BIRC6: variants seen among roughly 807,000 people sequenced by gnomAD.
The protein encoded by BIRC6 is baculoviral IAP repeat containing 6.
In BIRC6, 98 loss-of-function variants were observed where a neutral mutation model predicts 503.3. That is an observed-to-expected ratio of 0.19 (90% CI 0.17 to 0.23). The LOEUF is 0.23. BIRC6 is among the 10% of genes least tolerant of loss of function. BIRC6 has a pLI of 1.00. For missense variants in BIRC6, 5,360 were observed against 5,806.0 expected, an observed-to-expected ratio of 0.92 and a Z score of 2.50; for synonymous variants, 2,240 against 2,078.7, an observed-to-expected ratio of 1.08 and a Z score of -2.11.
At chr2:32,425,762 A>G (rs1487275717) in intron 10 of BIRC6, among the ~76,000 whole-genome samples, 1 of 152,226 alleles carries the variant, frequency 6.6e-6, no homozygotes, top group Admixed American at 6.5e-5. Flanking sequence ...TAGCAGCTGC[A>G]GTCTCAGAAG....
intron 60 of BIRC6, 21 bp downstream of exon 60, chr2:32,529,845 T>G (rs1196396077): frequency 1.4e-6 from 2 of 1,477,636 alleles, no homozygotes; most frequent in Admixed American, 4.6e-5. Context: ...AATACTACTT[T>G]AAAAATTACA....
intron 43 of BIRC6, 62 bp from the exon 44 acceptor site, chr2:32,491,363 A>C: frequency 6.9e-7 from 1 of 1,443,854 alleles, no homozygotes; most frequent in Non-Finnish European, 9.3e-7. Context: ...ATGCTTTCAG[A>C]TACTGCATTT....
At chr2:32,529,926 C>A in intron 60 of BIRC6, 102 bp downstream of exon 60, 2 of 712,546 alleles carry the variant, frequency 2.8e-6, no homozygotes, top group Non-Finnish European at 4.0e-6. Context: ...ATTATATCAA[C>A]ATAAGATATA....
At chr2:32,504,807 C>T (rs558588825) in intron 49 of BIRC6, among the ~76,000 whole-genome samples, 198 bp from the exon 50 acceptor site, 16 of 152,222 alleles carry the variant, frequency 1.1e-4, no homozygotes, top group Admixed American at 8.5e-4. Flanking sequence ...ATGAACTTGT[C>T]ACCTTGCCAG....
At chr2:32,543,911 G>T (rs2057861454) in intron 62 of BIRC6, among the ~76,000 whole-genome samples, 1 of 152,164 alleles carries the variant, frequency 6.6e-6, no homozygotes, top group South Asian at 2.1e-4. Flanking sequence ...GTACTCTTGA[G>T]TGCAGTATTA....
intron 3 of BIRC6, among the ~76,000 whole-genome samples, chr2:32,381,326 G>T (rs2037611366): frequency 6.6e-6 from 1 of 152,074 alleles, no homozygotes; most frequent in African/African-American, 2.4e-5. Context: ...TGCAACCTCT[G>T]CCTCCCGGGT....
At chr2:32,378,237 C>T (rs1466024390) in intron 2 of BIRC6, among the ~76,000 whole-genome samples, 5 of 152,076 alleles carry the variant, frequency 3.3e-5, no homozygotes, top group Non-Finnish European at 7.4e-5. Context: ...TTCCCTGTCC[C>T]TTAACCCCCA....
At chr2:32,413,366 A>G (rs1020983241) in intron 9 of BIRC6, among the ~76,000 whole-genome samples, 1 of 151,404 alleles carries the variant, frequency 6.6e-6, no homozygotes, top group Non-Finnish European at 1.5e-5. Flanking sequence ...TTTTAGTAGA[A>G]ATGGGGTTTC....
At chr2:32,455,379 CA>C (rs758202958) in intron 23 of BIRC6, among the ~76,000 whole-genome samples, 38,939 of 88,948 alleles carry the variant, frequency 0.44, 5,123 homozygotes, top group African/African-American at 0.48. Flanking sequence ...ACTCTGTCTC[CA>C]AAAAAAAAAA....
intron 73 of BIRC6, among the ~76,000 whole-genome samples, chr2:32,617,378 G>T (rs565095541): frequency 6.6e-6 from 1 of 152,290 alleles, no homozygotes; most frequent in East Asian, 1.9e-4. Context: ...TCCAGCCTGG[G>T]CAACAGAGCG....
rs978377665 is a variant in BIRC6 at position 32,500,048 on chromosome 2, T to G, written c.8970T>G (p.Ile2990Met). ...ACTTAGTCTTAGCCAACCAACAAAT[T>G]ATGAGCCAGATTTTGTCTGCTCTGG... ...VADLVLANQQ[I>M]MSQILSALGL... Residue 2990 changes from isoleucine (I) to methionine (M), a missense_variant, in exon 46 of 74, where the codon ATT becomes ATG. Physicochemically the swap from Ile to Met is conservative, Grantham distance 10 (BLOSUM62 1). Transcript: ENST00000421745. The G allele has an allele frequency of 1.9e-6, 3 of 1,613,920 alleles. No individual in the cohort carries two copies. Among genetic ancestry groups the G allele is most frequent in the African/African-American group, 1.3e-5 (1 of 75,024 alleles).
intron 16 of BIRC6, 36 bp from the exon 17 acceptor site, chr2:32,441,293 T>C: frequency 7.4e-7 from 1 of 1,359,626 alleles, no homozygotes; most frequent in Non-Finnish European, 1.0e-6. Flanking sequence ...TAGTTTAGTT[T>C]ATTTTTTAAA....
At chr2:32,587,902 C>A (rs2061158083) in intron 66 of BIRC6, among the ~76,000 whole-genome samples, 1 of 152,178 alleles carries the variant, frequency 6.6e-6, no homozygotes, top group South Asian at 2.1e-4. Context: ...CACTAAATAT[C>A]CATAGTATTC....
chr2:32,520,948 T>C (rs2055594887), intron 57 of BIRC6, among the ~76,000 whole-genome samples: 1 of 152,246 alleles, frequency 6.6e-6, no homozygotes, highest in Non-Finnish European at 1.5e-5. Flanking sequence ...TAACTGAAAA[T>C]TGAACATTTT....
chr2:32,615,046 T>C (rs2063144803), intron 73 of BIRC6, among the ~76,000 whole-genome samples: 1 of 152,140 alleles, frequency 6.6e-6, no homozygotes, highest in Non-Finnish European at 1.5e-5. Context: ...TCAAGGACCT[T>C]ATACTCATGG....
At chr2:32,550,113 A>T (rs969065784) in intron 65 of BIRC6, among the ~76,000 whole-genome samples, 4 of 152,192 alleles carry the variant, frequency 2.6e-5, no homozygotes, top group Non-Finnish European at 2.9e-5. Flanking sequence ...AGCAGTTAAC[A>T]TCTATTTCTT....
At chr2:32,448,996 A>T in intron 22 of BIRC6, 68 bp downstream of exon 22, 1 of 1,447,958 alleles carries the variant, frequency 6.9e-7, no homozygotes, top group South Asian at 1.3e-5. Context: ...CATTTGACTT[A>T]ATAGATTATA....
chr2:32,537,964 CA>C lies in BIRC6; in HGVS notation c.12292-5265del, dbSNP rs769563624. Among the ~76,000 whole-genome samples the C allele has an allele frequency of 4.5e-3, 495 of 111,052 alleles. 4 individuals carry two copies. The highest frequency in any genetic ancestry group is 0.012 in the African/African-American group (353 of 29,568). The allele number at this position is 111,052 out of a possible 152,430, so 72.9% of individuals were successfully genotyped here. On this transcript the variant is annotated intron_variant, in intron 61 of 73. Coordinates refer to ENST00000421745, the MANE Select transcript of BIRC6 (RefSeq NM_016252.4). ...CCTGGGCGACAGCGAGACTCCGTCT[CA>C]AAAAAAAAAAAGCAAACAAAAAAAA...
intron 12 of BIRC6, among the ~76,000 whole-genome samples, chr2:32,431,408 C>T (rs1465374329): frequency 6.6e-6 from 1 of 151,842 alleles, no homozygotes; most frequent in Non-Finnish European, 1.5e-5. Flanking sequence ...GTTGGCCATG[C>T]TGGTCCCGAA....
Sources: allele counts gnomAD v4.1 joint callset (sites outside exome capture counted in the v4.1 genomes callset), GRCh38; gene constraint gnomAD v4.1.1; transcripts MANE v1.5; gene names NCBI Gene and HGNC (gene_info 2026-07-23, HGNC 2026-07-21).